TRIM38: variants seen among roughly 807,000 people sequenced by gnomAD.
The protein encoded by TRIM38 is tripartite motif containing 38, also known as E3 ubiquitin-protein ligase TRIM38.
A neutral mutation model predicts 35.8 loss-of-function variants in TRIM38; 35 were observed. The ratio of observed to expected loss-of-function variants is 0.98; its 90% CI spans 0.75 to 1.30. The LOEUF (loss-of-function observed/expected upper bound fraction) is 1.30, where lower values mean the gene tolerates loss of function less well. Ranked by LOEUF, TRIM38 falls within the 50% of genes most tolerant of loss-of-function variation. The pLI is 0.00. For synonymous variants in TRIM38, 198 were observed against 204.7 expected (o/e 0.97, Z 0.28); for missense variants, 545 against 556.9 (o/e 0.98, Z 0.21).
intron 2 of TRIM38, among the ~76,000 whole-genome samples, chr6:25,963,837 C>A (rs1759928491): frequency 1.3e-5 from 2 of 152,138 alleles, no homozygotes; most frequent in South Asian, 2.1e-4. Context: ...CACTTAGGCA[C>A]CCCTCTCTGC....
chr6:25,974,854 A>C (rs888780587), intron 7 of TRIM38: 1 of 982,338 alleles, frequency 1.0e-6, no homozygotes, highest in African/African-American at 1.7e-5. Context: ...AATACACAAC[A>C]ACAAACAACA....
At position 25,973,274 on chromosome 6, in the gene TRIM38, G is replaced by C. The variant is rs961174197; in HGVS notation, c.863G>C (p.Arg288Thr). The change falls in exon 7 of 8, where the codon AGG (arginine) becomes ACG (threonine). Residue 288 changes from arginine (R) to threonine (T), a missense_variant. Arg to Thr is a moderately conservative substitution (Grantham distance 71, BLOSUM62 -1). Transcript: ENST00000357085. ...TACTTCGATGTGAAGAAAATGTTAAGGAGTCATCAAGGTATGTTCACTAAA... is the reference window on the plus strand; with the variant it reads ...TACTTCGATGTGAAGAAAATGTTAACGAGTCATCAAGGTATGTTCACTAAA... ...KLYFDVKKML[R>T]SHQVSVTLDP... The C allele has an allele frequency of 1.2e-6, 2 of 1,613,532 alleles. No homozygotes were observed. The highest frequency in any genetic ancestry group is 1.7e-6 in the Non-Finnish European group (2 of 1,179,962).
At chr6:25,967,059 C>A in intron 3 of TRIM38, 126 bp downstream of exon 3, 1 of 1,064,962 alleles carries the variant, frequency 9.4e-7, no homozygotes, top group Non-Finnish European at 1.3e-6. Context: ...TGTCATTCTT[C>A]TGAAAAATAG....
In TRIM38 at chr6:25,969,344, T is replaced by C. The variant is rs1252780998; in HGVS notation, c.431T>C (p.Val144Ala). 2 of 1,612,760 alleles carry C rather than the reference T, an allele frequency of 1.2e-6. No homozygotes were observed. Among genetic ancestry groups the C allele is most frequent in the Non-Finnish European group, 1.7e-6 (2 of 1,179,356 alleles). The change falls in exon 4 of 8, where the codon GTG (valine) becomes GCG (alanine). Residue 144 changes from valine (V) to alanine (A), a missense_variant. Physicochemically the swap from Val to Ala is moderately conservative, Grantham distance 64. Transcript: ENST00000357085. The part of the protein sequence containing the change: ...QGYKEKLQKA[V>A]TKLKQLEDRC... ...CTTCAGGAAAAGCTCCAGAAAGCTG[T>C]GACAAAACTGAAGCAACTTGAAGAC...
chr6:25,987,111 C>T lies in TRIM38; in HGVS notation c.*3424C>T, dbSNP rs1185428014. On this transcript the variant is annotated 3_prime_UTR_variant, in exon 8 of 8. Coordinates refer to ENST00000357085, the MANE Select transcript of TRIM38 (RefSeq NM_006355.5). ...CATCGAATAGATGACCAACAATCTC[C>T]TTCACACTCATACTATTTAAACTGT... 1.3e-5 allele frequency: 2 copies of T among 151,684 alleles called. No individual in the cohort carries two copies. The highest frequency in any genetic ancestry group is 2.9e-5 in the Non-Finnish European group (2 of 67,956). 9.4% of individuals were successfully genotyped at this position (151,684 alleles called of 1,614,324 possible). A position where few individuals can be genotyped will look rare whatever the true frequency, so the allele number is the denominator to read the frequency against.
chr6:25,963,998 G>T (rs1193540966), intron 2 of TRIM38, among the ~76,000 whole-genome samples: 1 of 152,106 alleles, frequency 6.6e-6, no homozygotes, highest in Non-Finnish European at 1.5e-5. Context: ...GGATGGGGGG[G>T]GTCGAGGTGG....
intron 7 of TRIM38, among the ~76,000 whole-genome samples, chr6:25,976,382 G>C: frequency 6.6e-6 from 1 of 152,206 alleles, no homozygotes; most frequent in East Asian, 1.9e-4. Context: ...ATCCTCCCAC[G>C]TCAGCTTCCC....
At chr6:25,978,426 ATATATC>A (rs1760457604) in intron 7 of TRIM38, among the ~76,000 whole-genome samples, 1 of 152,134 alleles carries the variant, frequency 6.6e-6, no homozygotes, top group African/African-American at 2.4e-5. Context: ...AAGGAATACT[ATATATC>A]TAATAAGATG....
Position 25,989,705 on chromosome 6 carries a change from A to G in TRIM38, c.*6018A>G, listed in dbSNP as rs1760796564. On this transcript the variant is annotated 3_prime_UTR_variant, in exon 8 of 8. Coordinates refer to ENST00000357085, the MANE Select transcript of TRIM38 (RefSeq NM_006355.5). Reference sequence around the variant, plus strand: ...GTAACTTAATCTTTCACTTTTTGAAAACAAAAAATAGTTTTTTTCTCATAG... The same window carrying G: ...GTAACTTAATCTTTCACTTTTTGAAGACAAAAAATAGTTTTTTTCTCATAG... 7.9e-5 allele frequency: 12 copies of G among 151,992 alleles called. No homozygotes were observed. The highest frequency in any genetic ancestry group is 7.9e-4 in the Admixed American group (12 of 15,286). 9.4% of individuals were successfully genotyped at this position (151,992 alleles called of 1,614,324 possible). A position where few individuals can be genotyped will look rare whatever the true frequency, so the allele number is the denominator to read the frequency against.
intron 2 of TRIM38, among the ~76,000 whole-genome samples, chr6:25,964,756 T>C (rs1325043824): frequency 6.6e-6 from 1 of 151,998 alleles, no homozygotes; most frequent in Non-Finnish European, 1.5e-5. Context: ...CTGTCACAGA[T>C]CACCCAATTG....
rs772051229 is a variant in TRIM38, at chr6:25,969,353, T to G, written c.440T>G (p.Leu147Arg). The change falls in exon 4 of 8, where the codon CTG becomes CGG. Residue 147 changes from leucine (L) to arginine (R), a missense_variant. By Grantham distance (102) the Leu-to-Arg change is moderately radical. Coordinates refer to ENST00000357085, the MANE Select transcript of TRIM38 (RefSeq NM_006355.5). Reference sequence around the variant, plus strand: ...AAGCTCCAGAAAGCTGTGACAAAACTGAAGCAACTTGAAGACAGATGTACG... The same window carrying G: ...AAGCTCCAGAAAGCTGTGACAAAACGGAAGCAACTTGAAGACAGATGTACG... ...KEKLQKAVTKLKQLEDRCTEQ... is the reference protein window; with the variant it reads ...KEKLQKAVTKRKQLEDRCTEQ... 1 of 1,612,872 alleles carries G rather than the reference T, an allele frequency of 6.2e-7. No individual in the cohort carries two copies. The highest frequency in any genetic ancestry group is 8.5e-7 in the Non-Finnish European group (1 of 1,179,428).
At chr6:25,973,318 G>T (rs927850089) in intron 7 of TRIM38, 33 bp downstream of exon 7, 39 of 1,605,020 alleles carry the variant, frequency 2.4e-5, no homozygotes, top group Non-Finnish European at 3.1e-5. Flanking sequence ...GAATACTGTG[G>T]ATAGAAGGGG....
chr6:25,983,725 A>G lies in TRIM38; in HGVS notation c.*38A>G. ...AAGCTCCTTGGTTTAACCAGCACAG[A>G]GAAAATAATATAAATCCCATAAGGG... On this transcript the variant is annotated 3_prime_UTR_variant, in exon 8 of 8. Coordinates refer to ENST00000357085, the MANE Select transcript of TRIM38 (RefSeq NM_006355.5). The G allele has an allele frequency of 1.3e-6, 2 of 1,506,420 alleles. No individual in the cohort carries two copies. Among genetic ancestry groups the G allele is most frequent in the Non-Finnish European group, 1.8e-6 (2 of 1,129,578 alleles). 93.3% of individuals were successfully genotyped at this position (1,506,420 alleles called of 1,614,324 possible).
intron 2 of TRIM38, among the ~76,000 whole-genome samples, chr6:25,965,628 T>A (rs1760000930): frequency 6.6e-6 from 1 of 151,892 alleles, no homozygotes; most frequent in South Asian, 2.1e-4. Context: ...ACTTGTCTTA[T>A]AAGAAAAGAA....
chr6:25,964,322 A>G (rs1487954944), intron 2 of TRIM38, among the ~76,000 whole-genome samples: 1 of 152,214 alleles, frequency 6.6e-6, no homozygotes, highest in Non-Finnish European at 1.5e-5. Context: ...ACATGTATAC[A>G]TATTTATTTC....
rs1279859798 is a variant in TRIM38, at chr6:25,985,593, G to A, written c.*1906G>A. ...AAAAAGATTTTTCTCCCCAACAGAA[G>A]GATTATCGCCAGTTGCACTTGTTCT... On this transcript the variant is annotated 3_prime_UTR_variant, in exon 8 of 8. Coordinates refer to ENST00000357085, the MANE Select transcript of TRIM38 (RefSeq NM_006355.5). 2.0e-5 allele frequency: 3 copies of A among 152,180 alleles called. No homozygotes were observed. Among genetic ancestry groups the A allele is most frequent in the African/African-American group, 7.2e-5 (3 of 41,440 alleles). The allele number at this position is 152,180 out of a possible 1,614,324, so 9.4% of individuals were successfully genotyped here.
intron 4 of TRIM38, among the ~76,000 whole-genome samples, chr6:25,970,330 T>A (rs1433942397): frequency 1.3e-5 from 2 of 152,228 alleles, no homozygotes; most frequent in African/African-American, 4.8e-5. Context: ...AGCCACATTC[T>A]TTTATGGAAA....
At chr6:25,980,515 G>T (rs1003589635) in intron 7 of TRIM38, among the ~76,000 whole-genome samples, 1 of 151,256 alleles carries the variant, frequency 6.6e-6, no homozygotes, top group African/African-American at 2.4e-5. Flanking sequence ...CTGCCTCCCC[G>T]GTTCAAGTGA....
intron 4 of TRIM38, 43 bp downstream of exon 4, chr6:25,969,463 A>G (rs1208767870): frequency 3.3e-6 from 5 of 1,532,588 alleles, no homozygotes; most frequent in Non-Finnish European, 2.7e-6. Context: ...TTTCCATTCT[A>G]GAGCTTAGGC....
Sources: gnomAD v4.1 joint callset for allele counts (sites outside exome capture counted in the v4.1 genomes callset) on GRCh38, gnomAD v4.1.1 for gene constraint, MANE v1.5 for transcripts, NCBI Gene and HGNC (gene_info 2026-07-23, HGNC 2026-07-21) for gene names.